Variants in SAMTOR observed in about 807,000 individuals in gnomAD.
The protein encoded by SAMTOR is S-adenosylmethionine sensor upstream of mTORC1, also known as UPF0532 protein C7orf60.
At chr7:112,847,778 C>CAAAAAAAAAAAAAA in the SAMTOR span, among the ~76,000 whole-genome samples, 1 of 151,372 alleles carries the variant, frequency 6.6e-6, no homozygotes, top group African/African-American at 2.5e-5. Context: ...AACTCTGTCT[C>CAAAAAAAAAAAAAA]AAAAGAAAAG....
At chr7:112,874,187 A>G in the SAMTOR span, among the ~76,000 whole-genome samples, 1 of 152,156 alleles carries the variant, frequency 6.6e-6, no homozygotes, top group Non-Finnish European at 1.5e-5. Context: ...CATCAATCCC[A>G]TTACTGAGTA....
the SAMTOR span, among the ~76,000 whole-genome samples, chr7:112,901,679 C>T: frequency 1.3e-5 from 2 of 152,132 alleles, no homozygotes; most frequent in Non-Finnish European, 2.9e-5. Context: ...CAATGAAGAA[C>T]TGTTATCTAA....
At chr7:112,856,325 T>C in the SAMTOR span, among the ~76,000 whole-genome samples, 12 of 151,880 alleles carry the variant, frequency 7.9e-5, no homozygotes, top group African/African-American at 2.4e-4. Flanking sequence ...TTTTGGCTCA[T>C]TGCAACCTCT....
At chr7:112,918,389 G>T in the SAMTOR span, among the ~76,000 whole-genome samples, 1 of 152,094 alleles carries the variant, frequency 6.6e-6, no homozygotes, top group Non-Finnish European at 1.5e-5. Context: ...TTACAGACAA[G>T]CAAATGCTGA....
the SAMTOR span, among the ~76,000 whole-genome samples, chr7:112,913,240 C>T: frequency 2.7e-3 from 415 of 152,312 alleles, 2 homozygotes; most frequent in South Asian, 6.8e-3. Flanking sequence ...TATTCTTTGA[C>T]TCCACAATCC....
chr7:112,895,660 T>C, the SAMTOR span: 3 of 1,595,878 alleles, frequency 1.9e-6, no homozygotes, highest in Admixed American at 1.7e-5. Flanking sequence ...GGAGTGGTCT[T>C]AGTGGCAAGT....
chr7:112,886,051 G>T, the SAMTOR span, among the ~76,000 whole-genome samples: 1 of 152,178 alleles, frequency 6.6e-6, no homozygotes, highest in African/African-American at 2.4e-5. Flanking sequence ...AAGGAGAAGT[G>T]CTGAGCAAAA....
the SAMTOR span, among the ~76,000 whole-genome samples, chr7:112,901,127 G>T: frequency 6.6e-6 from 1 of 152,208 alleles, no homozygotes; most frequent in Non-Finnish European, 1.5e-5. Context: ...GAAAATATTT[G>T]CAAATCATAC....
At chr7:112,924,074 A>AG in the SAMTOR span, among the ~76,000 whole-genome samples, 2 of 151,864 alleles carry the variant, frequency 1.3e-5, no homozygotes, top group Non-Finnish European at 2.9e-5. Flanking sequence ...GGATAGCATT[A>AG]GGAGATATAC....
At chr7:112,895,227 C>T in the SAMTOR span, among the ~76,000 whole-genome samples, 1 of 150,718 alleles carries the variant, frequency 6.6e-6, no homozygotes, top group African/African-American at 2.4e-5. Context: ...CTATATAATA[C>T]TATTATATAA....
the SAMTOR span, among the ~76,000 whole-genome samples, chr7:112,883,063 CTT>C: frequency 7.2e-5 from 11 of 152,288 alleles, no homozygotes; most frequent in African/African-American, 1.4e-4. Context: ...GTATATTACT[CTT>C]TGTCACAAAT....
chr7:112,823,795 A>G, the SAMTOR span, among the ~76,000 whole-genome samples: 1 of 152,204 alleles, frequency 6.6e-6, no homozygotes, highest in African/African-American at 2.4e-5. Flanking sequence ...GGAGTATGTG[A>G]GAGTTCCAGT....
At chr7:112,933,320 A>G in the SAMTOR span, among the ~76,000 whole-genome samples, 2 of 152,246 alleles carry the variant, frequency 1.3e-5, no homozygotes, top group Non-Finnish European at 2.9e-5. Flanking sequence ...AATAGGAACT[A>G]TGTGACAAAT....
chr7:112,834,744 A>ATCC, the SAMTOR span, among the ~76,000 whole-genome samples: 11 of 152,112 alleles, frequency 7.2e-5, no homozygotes, highest in Admixed American at 7.2e-4. Flanking sequence ...AAAGCAGGTG[A>ATCC]TCCTCCTCCT....
chr7:112,871,609 T>A, the SAMTOR span, among the ~76,000 whole-genome samples: 1 of 150,610 alleles, frequency 6.6e-6, no homozygotes, highest in South Asian at 2.1e-4. Flanking sequence ...CTAAAGAAAC[T>A]GGAAAAACAC....
At chr7:112,923,950 A>C in the SAMTOR span, among the ~76,000 whole-genome samples, 5 of 148,044 alleles carry the variant, frequency 3.4e-5, no homozygotes, top group East Asian at 2.0e-4. Flanking sequence ...AGAACAAAAA[A>C]CCAAACACCG....
At chr7:112,907,717 T>C in the SAMTOR span, among the ~76,000 whole-genome samples, 7 of 151,934 alleles carry the variant, frequency 4.6e-5, no homozygotes, top group African/African-American at 1.4e-4. Context: ...CTTTACCTCA[T>C]TCATAAGAGA....
chr7:112,827,549 C>A, the SAMTOR span, among the ~76,000 whole-genome samples: 11 of 152,182 alleles, frequency 7.2e-5, no homozygotes, highest in Non-Finnish European at 1.2e-4. Flanking sequence ...GTTCCAGGAA[C>A]CACTGTACAT....
the SAMTOR span, among the ~76,000 whole-genome samples, chr7:112,897,554 C>T: frequency 6.6e-6 from 1 of 152,010 alleles, no homozygotes; most frequent in Non-Finnish European, 1.5e-5. Context: ...TCCAATATCC[C>T]CATATACCCT....
Sources: allele counts gnomAD v4.1 joint callset (sites outside exome capture counted in the v4.1 genomes callset), GRCh38; gene constraint gnomAD v4.1.1; transcripts MANE v1.5; gene names NCBI Gene and HGNC (gene_info 2026-07-23, HGNC 2026-07-21).